RIPOR2: variants seen among roughly 807,000 people sequenced by gnomAD.
RIPOR2 encodes the protein RHO family interacting cell polarization regulator 2, also known as rho family-interacting cell polarization regulator 2.
Under a neutral mutation model 114.5 loss-of-function variants are expected in RIPOR2, and 39 were observed. The ratio of observed to expected loss-of-function variants is 0.34; its 90% CI spans 0.26 to 0.44. RIPOR2 has a LOEUF of 0.44. Among genes scored for constraint, RIPOR2 ranks in the 20% least tolerant of loss-of-function variants. The pLI, the probability that RIPOR2 is intolerant of heterozygous loss-of-function variation, is 1.00. For missense variants in RIPOR2, 1,007 were observed against 1,255.1 expected (o/e 0.80, Z 2.99); for synonymous variants, 445 against 484.4 (o/e 0.92, Z 1.07).
chr6:24,837,534 C>T (rs909938967), intron 14 of RIPOR2, among the ~76,000 whole-genome samples: 14 of 152,104 alleles, frequency 9.2e-5, no homozygotes, highest in South Asian at 2.1e-4. Flanking sequence ...CTCAGCCTCC[C>T]GCATAGCTGG....
At chr6:24,908,706 C>T (rs557904413) in intron 1 of RIPOR2, among the ~76,000 whole-genome samples, 2 of 152,312 alleles carry the variant, frequency 1.3e-5, no homozygotes, top group East Asian at 3.9e-4. Flanking sequence ...GAGAGTTTAG[C>T]TAACAAGATC....
chr6:24,923,944 G>A (rs1048050883), intron 1 of RIPOR2, among the ~76,000 whole-genome samples: 1 of 152,164 alleles, frequency 6.6e-6, no homozygotes, highest in African/African-American at 2.4e-5. Flanking sequence ...CTTGTAATGC[G>A]TAGCAACCAG....
At chr6:24,860,542 G>C (rs969498611) in intron 8 of RIPOR2, among the ~76,000 whole-genome samples, 2 of 152,194 alleles carry the variant, frequency 1.3e-5, no homozygotes, top group African/African-American at 4.8e-5. Context: ...ACTTGGCATC[G>C]TGGTTATGTA....
intron 8 of RIPOR2, 60 bp from the exon 9 acceptor site, chr6:24,852,678 T>C (rs951254680): frequency 8.2e-7 from 1 of 1,220,764 alleles, no homozygotes; most frequent in Non-Finnish European, 1.1e-6. Flanking sequence ...TATAGACACA[T>C]ACTGGCACGT....
intron 1 of RIPOR2, among the ~76,000 whole-genome samples, chr6:25,004,210 G>A (rs538073345): frequency 6.6e-6 from 1 of 152,226 alleles, no homozygotes; most frequent in Admixed American, 6.5e-5. Context: ...CCCAAACTCA[G>A]TGAAAGATGG....
chr6:24,925,119 G>A (rs1260189233), intron 1 of RIPOR2, among the ~76,000 whole-genome samples: 1 of 152,168 alleles, frequency 6.6e-6, no homozygotes, highest in Non-Finnish European at 1.5e-5. Context: ...TTATCTTGCA[G>A]GTAGTTGGCT....
intron 19 of RIPOR2, among the ~76,000 whole-genome samples, chr6:24,823,881 T>C (rs1265441508): frequency 6.6e-6 from 1 of 152,102 alleles, no homozygotes; most frequent in Non-Finnish European, 1.5e-5. Context: ...CTCAGCCTCC[T>C]GAGTAGCTGG....
At chr6:25,031,699 TTATATATATATATATATATATATATA>T (rs58886088) in intron 1 of RIPOR2, among the ~76,000 whole-genome samples, 3,239 of 35,512 alleles carry the variant, frequency 0.091, 326 homozygotes, top group African/African-American at 0.25. Context: ...TAGGTGGTAG[TTATATATATATATATATATATATATA>T]TATATATATA....
At chr6:24,925,074 A>G (rs1429856824) in intron 1 of RIPOR2, among the ~76,000 whole-genome samples, 1 of 152,202 alleles carries the variant, frequency 6.6e-6, no homozygotes, top group Non-Finnish European at 1.5e-5. Context: ...CTATCACCAA[A>G]TTAACTGCAA....
chr6:24,951,575 C>T (rs2114202069), intron 1 of RIPOR2, among the ~76,000 whole-genome samples: 1 of 152,298 alleles, frequency 6.6e-6, no homozygotes, highest in East Asian at 1.9e-4. Context: ...AGTTCCTTTG[C>T]CTCACGCTTC....
At chr6:25,001,537 A>G (rs1383259893) in intron 1 of RIPOR2, among the ~76,000 whole-genome samples, 9 of 147,600 alleles carry the variant, frequency 6.1e-5, no homozygotes, top group African/African-American at 2.3e-4. Flanking sequence ...AGGCAGGAGA[A>G]TTGCTTGAAC....
chr6:24,820,152 C>T (rs1165844178), intron 19 of RIPOR2, among the ~76,000 whole-genome samples: 1 of 152,156 alleles, frequency 6.6e-6, no homozygotes, highest in Non-Finnish European at 1.5e-5. Context: ...CCTGCCTCAG[C>T]CTCCCTAGTA....
rs1409021100 is a variant in RIPOR2, at chr6:25,031,741, AT to A, written c.76+10109del. Among the ~76,000 whole-genome samples the A allele has an allele frequency of 4.5e-3, 401 of 88,554 alleles. 12 individuals are homozygous for A. The highest frequency in any genetic ancestry group is 4.8e-3 in the Non-Finnish European group (197 of 40,924). The allele number at this position is 88,554 out of a possible 152,430, so 58.1% of individuals were successfully genotyped here. On this transcript the variant is annotated intron_variant, in intron 1 of 13. Transcript: ENST00000510784. ...TATATATATATATATATATATATAT[AT>A]ATATATATAAAATATCCATAGAATA...
chr6:24,822,276 G>T (rs1042736882), intron 19 of RIPOR2, among the ~76,000 whole-genome samples: 4 of 152,152 alleles, frequency 2.6e-5, no homozygotes, highest in Non-Finnish European at 4.4e-5. Flanking sequence ...TGATTATGTT[G>T]GTGGAAATAT....
At chr6:25,036,105 C>T (rs1777238338) in intron 1 of RIPOR2, among the ~76,000 whole-genome samples, 1 of 152,176 alleles carries the variant, frequency 6.6e-6, no homozygotes, top group East Asian at 1.9e-4. Context: ...TTGACCAGGT[C>T]CCCTTGCCCA....
chr6:24,890,814 C>G (rs1345356748), intron 1 of RIPOR2, among the ~76,000 whole-genome samples: 1 of 148,898 alleles, frequency 6.7e-6, no homozygotes, highest in Non-Finnish European at 1.5e-5. Context: ...GCCACCACTC[C>G]CAGCGAATTT....
chr6:24,918,683 A>G (rs1197512762), intron 1 of RIPOR2, among the ~76,000 whole-genome samples: 1 of 152,238 alleles, frequency 6.6e-6, no homozygotes, highest in Non-Finnish European at 1.5e-5. Context: ...CTGAGGTCTC[A>G]GTAAGGTTAA....
intron 12 of RIPOR2, chr6:24,847,571 G>A (rs1484965596): frequency 6.4e-7 from 1 of 1,551,548 alleles, no homozygotes; most frequent in African/African-American, 1.4e-5. Context: ...TTGGGACTCG[G>A]CCTGAGGGAG....
In RIPOR2 at chr6:25,037,411, T is replaced by G. The variant is rs532025245; in HGVS notation, c.76+4440A>C. On this transcript the variant is annotated intron_variant, in intron 1 of 13. Coordinates refer to the RIPOR2 transcript ENST00000510784. This position sits in a 1 kb window ranked among gnomAD's most constrained non-coding sequence, Gnocchi z 4.5. ...CCCTGCCCTGACCCTGCTGTCATCA[T>G]GTAGAAGGCCCAGGCACCCACGGGC... Among the ~76,000 whole-genome samples, 1 of 152,156 alleles carries G rather than the reference T, an allele frequency of 6.6e-6. No individual in the cohort carries two copies. Among genetic ancestry groups the G allele is most frequent in the Non-Finnish European group, 1.5e-5 (1 of 68,024 alleles).
Sources: allele counts gnomAD v4.1 joint callset (sites outside exome capture counted in the v4.1 genomes callset), GRCh38; gene constraint gnomAD v4.1.1; non-coding constraint Gnocchi (gnomAD v3.1); transcripts MANE v1.5; gene names NCBI Gene and HGNC (gene_info 2026-07-23, HGNC 2026-07-21).